The following MYO16 variants were observed in gnomAD, a reference collection of about 807,000 sequenced individuals.
The protein encoded by MYO16 is myosin XVI, also known as unconventional myosin-XVI.
A neutral mutation model predicts 205.3 loss-of-function variants in MYO16; 94 were observed. The ratio of observed to expected loss-of-function variants is 0.46; its 90% CI spans 0.39 to 0.54. MYO16 has a LOEUF of 0.54. Ranked by LOEUF, MYO16 falls within the 20% of genes least tolerant of loss-of-function variation. MYO16 has a pLI of 0.00. For missense variants in MYO16, 2,315 were observed against 2,387.5 expected (o/e 0.97, Z 0.63); for synonymous variants, 988 against 954.0 (o/e 1.04, Z -0.66).
At chr13:108,520,080 T>A in the MYO16 span, among the ~76,000 whole-genome samples, 1 of 152,160 alleles carries the variant, frequency 6.6e-6, no homozygotes, top group Non-Finnish European at 1.5e-5. Flanking sequence ...ATAAAACATT[T>A]AACATTCATT....
intron 21 of MYO16, among the ~76,000 whole-genome samples, chr13:108,994,470 T>C (rs975116325): frequency 9.2e-5 from 14 of 152,172 alleles, no homozygotes; most frequent in African/African-American, 3.4e-4. Flanking sequence ...ATCTCATCTT[T>C]TGACGAGTGC....
chr13:109,172,141 C>T (rs915309433), intron 33 of MYO16, among the ~76,000 whole-genome samples: 1 of 152,166 alleles, frequency 6.6e-6, no homozygotes. Context: ...AGCCAAGGAG[C>T]CTTTGGTTGG....
At chr13:109,174,855 G>A (rs1256979859) in intron 33 of MYO16, among the ~76,000 whole-genome samples, 9 of 148,240 alleles carry the variant, frequency 6.1e-5, no homozygotes, top group Admixed American at 2.7e-4. Context: ...AGGTTCAAGT[G>A]ATTCTTCAGC....
At chr13:108,668,678 T>C (rs775734228) in intron 2 of MYO16, among the ~76,000 whole-genome samples, 5 of 152,164 alleles carry the variant, frequency 3.3e-5, no homozygotes, top group Non-Finnish European at 7.4e-5. Context: ...AGTTTGCCTG[T>C]TTCTTTGTCC....
intron 23 of MYO16, among the ~76,000 whole-genome samples, chr13:109,022,333 T>G (rs9514960): frequency 0.023 from 686 of 29,336 alleles, 5 homozygotes; most frequent in Non-Finnish European, 0.03. Context: ...AAATATATAT[T>G]TATATATTAT....
chr13:108,803,791 G>T (rs755671456), intron 6 of MYO16, among the ~76,000 whole-genome samples: 4 of 152,120 alleles, frequency 2.6e-5, no homozygotes, highest in Non-Finnish European at 4.4e-5. Flanking sequence ...AAACAAGACT[G>T]CCTGCACTGA....
At position 109,105,498 on chromosome 13, in the gene MYO16, A is replaced by T. The variant is rs1889099027; in HGVS notation, c.3438+4611A>T. Reference sequence around the variant, plus strand: ...AAAACAAACAAACAAAAAACTTTTTAAAATTTATTGTTTTGAAATGAAATA... The same window carrying T: ...AAAACAAACAAACAAAAAACTTTTTTAAATTTATTGTTTTGAAATGAAATA... On this transcript the variant is annotated intron_variant, in intron 28 of 34. Coordinates refer to ENST00000457511, the MANE Select transcript of MYO16 (RefSeq NM_001198950.3). 2.0e-5 allele frequency among the ~76,000 whole-genome samples: 3 copies of T among 152,204 alleles called. No individual in the cohort carries two copies. In the South Asian group the frequency reaches 6.2e-4, roughly 31 times the overall value.
the MYO16 span, among the ~76,000 whole-genome samples, chr13:108,502,477 A>T: frequency 6.6e-6 from 1 of 152,204 alleles, no homozygotes; most frequent in Non-Finnish European, 1.5e-5. Context: ...TTGATGTTCA[A>T]ATTATCATAA....
At chr13:108,652,075 G>C (rs1881030852) in intron 1 of MYO16, among the ~76,000 whole-genome samples, 1 of 152,112 alleles carries the variant, frequency 6.6e-6, no homozygotes, top group Non-Finnish European at 1.5e-5. Context: ...CTTTGGAAGA[G>C]TGTTATAACA....
At chr13:108,945,273 A>G (rs547347198) in intron 16 of MYO16, among the ~76,000 whole-genome samples, 34 of 152,320 alleles carry the variant, frequency 2.2e-4, no homozygotes, top group Non-Finnish European at 3.7e-4. Context: ...GTATGATGAC[A>G]TTTAGACAAT....
intron 16 of MYO16, among the ~76,000 whole-genome samples, chr13:108,957,407 A>ACATGAAT (rs1366476700): frequency 6.6e-6 from 1 of 151,784 alleles, no homozygotes; most frequent in Non-Finnish European, 1.5e-5. Context: ...AAAAACAAAA[A>ACATGAAT]CATGAATCAC....
intron 2 of MYO16, among the ~76,000 whole-genome samples, chr13:108,671,701 C>T (rs1881994693): frequency 6.6e-6 from 1 of 152,166 alleles, no homozygotes; most frequent in Non-Finnish European, 1.5e-5. Context: ...AAACGGCTTA[C>T]ACAGCAGACA....
At chr13:108,923,872 A>T (rs1377903994) in intron 16 of MYO16, among the ~76,000 whole-genome samples, 1 of 151,978 alleles carries the variant, frequency 6.6e-6, no homozygotes, top group East Asian at 1.9e-4. Flanking sequence ...TTAGATCAGC[A>T]TTTTTTCCCA....
chr13:109,150,195 G>A (rs1047354116), intron 32 of MYO16, among the ~76,000 whole-genome samples: 1 of 152,106 alleles, frequency 6.6e-6, no homozygotes, highest in East Asian at 1.9e-4. Flanking sequence ...AGTCTTCATC[G>A]TTTGTCTCTA....
rs186100720 is a variant in MYO16 at position 108,670,708 on chromosome 13, C to T, written c.292+4559C>T. Among the ~76,000 whole-genome samples the T allele has an allele frequency of 2.0e-3, 301 of 152,336 alleles. 7 individuals carry two copies. Among genetic ancestry groups the T allele is most frequent in the Admixed American group, 0.018 (278 of 15,302 alleles). On this transcript the variant is annotated intron_variant, in intron 2 of 34. Transcript: ENST00000457511. ...GTAATGGTTCGGCATGGACTCACTG[C>T]TCCTTTGTCCTTATTCTTAGGACAT...
chr13:108,537,727 T>C, the MYO16 span, among the ~76,000 whole-genome samples: 63 of 152,150 alleles, frequency 4.1e-4, no homozygotes, highest in Non-Finnish European at 7.4e-5. Context: ...TAGTATCTCA[T>C]TGTGATTTTA....
intron 22 of MYO16, among the ~76,000 whole-genome samples, chr13:109,010,388 C>T (rs1264065777): frequency 6.6e-6 from 1 of 152,134 alleles, no homozygotes; most frequent in Non-Finnish European, 1.5e-5. Context: ...ACATAACACA[C>T]AAGATTTTGT....
intron 27 of MYO16, among the ~76,000 whole-genome samples, chr13:109,071,659 G>T (rs1342795743): frequency 6.6e-6 from 1 of 151,888 alleles, no homozygotes; most frequent in Admixed American, 6.6e-5. Flanking sequence ...CATTAGATTT[G>T]GTAAATCAGT....
chr13:108,806,269 AT>A (rs1159117427), intron 6 of MYO16, among the ~76,000 whole-genome samples: 1 of 152,212 alleles, frequency 6.6e-6, no homozygotes, highest in Non-Finnish European at 1.5e-5. Flanking sequence ...GCTTTTAGTT[AT>A]TCTTTGAATC....
Sources: gnomAD v4.1 joint callset for allele counts (sites outside exome capture counted in the v4.1 genomes callset) on GRCh38, gnomAD v4.1.1 for gene constraint, MANE v1.5 for transcripts, NCBI Gene and HGNC (gene_info 2026-07-23, HGNC 2026-07-21) for gene names.